The following EPB41L4A variants were observed in gnomAD, a reference collection of about 807,000 sequenced individuals.
EPB41L4A encodes band 4.1-like protein 4A.
Under a neutral mutation model 108.6 loss-of-function variants are expected in EPB41L4A, and 100 were observed. The observed-to-expected ratio is 0.92, with a 90% CI of 0.78 to 1.09. The LOEUF (loss-of-function observed/expected upper bound fraction) is 1.09. EPB41L4A is among the 50% of genes least tolerant of loss of function. The probability of loss-of-function intolerance (pLI) is 0.00; values close to 1 mark genes in which losing one functional copy is unlikely to be tolerated. For missense variants in EPB41L4A, 1,030 were observed against 842.7 expected (o/e 1.22, Z -2.75); for synonymous variants, 319 against 289.0 (o/e 1.10, Z -1.05).
At chr5:112,331,080 T>C (rs1364794545) in intron 1 of EPB41L4A, among the ~76,000 whole-genome samples, 6 of 152,202 alleles carry the variant, frequency 3.9e-5, no homozygotes, top group African/African-American at 9.6e-5. Context: ...ACAGATTCTG[T>C]GTCAAGCAAG....
At chr5:112,285,611 T>C (rs1001428424) in intron 2 of EPB41L4A, among the ~76,000 whole-genome samples, 5 of 152,132 alleles carry the variant, frequency 3.3e-5, no homozygotes, top group African/African-American at 7.2e-5. Flanking sequence ...ACTGGAGTGA[T>C]CTACAGGGAG....
At chr5:112,199,979 C>T (rs565810596) in intron 15 of EPB41L4A, among the ~76,000 whole-genome samples, 1 of 152,342 alleles carries the variant, frequency 6.6e-6, no homozygotes, top group African/African-American at 2.4e-5. Flanking sequence ...TCTGTACAAA[C>T]ACAAATGTGA....
At chr5:112,205,549 T>G in intron 13 of EPB41L4A, 45 bp from the exon 14 acceptor site, 1 of 1,428,454 alleles carries the variant, frequency 7.0e-7, no homozygotes, top group Non-Finnish European at 9.7e-7. Flanking sequence ...AAGTAGAAAA[T>G]AAAAGTAAAC....
chr5:112,294,312 T>C (rs1753854192), intron 2 of EPB41L4A, among the ~76,000 whole-genome samples: 2 of 152,150 alleles, frequency 1.3e-5, no homozygotes, highest in Admixed American at 1.3e-4. Context: ...GGAATGCTCT[T>C]GTCAAGGCCC....
intron 10 of EPB41L4A, among the ~76,000 whole-genome samples, chr5:112,240,254 G>A (rs1204055315): frequency 1.3e-5 from 2 of 152,068 alleles, no homozygotes; most frequent in Non-Finnish European, 2.9e-5. Flanking sequence ...GTTTCCACTG[G>A]TGACCTCATC....
At chr5:112,397,403 T>A (rs1761430956) in intron 1 of EPB41L4A, among the ~76,000 whole-genome samples, 1 of 152,250 alleles carries the variant, frequency 6.6e-6, no homozygotes, top group Non-Finnish European at 1.5e-5. Flanking sequence ...CTTAAAAATG[T>A]ACACAGTATC....
chr5:112,345,712 C>T (rs1006309381), intron 1 of EPB41L4A, among the ~76,000 whole-genome samples: 4 of 151,498 alleles, frequency 2.6e-5, no homozygotes, highest in Admixed American at 1.3e-4. Context: ...TATGTGTGCA[C>T]ACGCATGCAG....
intron 1 of EPB41L4A, among the ~76,000 whole-genome samples, chr5:112,390,911 G>A (rs544775068): frequency 1.3e-5 from 2 of 152,316 alleles, no homozygotes; most frequent in South Asian, 2.1e-4. Flanking sequence ...AGCCTCTGCT[G>A]GTGATACCCA....
chr5:112,157,922 G>A (rs1759706903), downstream of EPB41L4A, among the ~76,000 whole-genome samples: 1 of 152,330 alleles, frequency 6.6e-6, no homozygotes, highest in South Asian at 2.1e-4. Context: ...AGCAGGCAAG[G>A]AGGAAGCAGA....
intron 1 of EPB41L4A, among the ~76,000 whole-genome samples, chr5:112,370,357 C>G (rs116817649): frequency 6.6e-6 from 1 of 151,878 alleles, no homozygotes; most frequent in Non-Finnish European, 1.5e-5. Flanking sequence ...CTTTTAATCT[C>G]TCGATGGTAT....
chr5:112,352,869 G>A (rs1051182700), intron 1 of EPB41L4A, among the ~76,000 whole-genome samples: 2 of 152,084 alleles, frequency 1.3e-5, no homozygotes, highest in African/African-American at 2.4e-5. Flanking sequence ...CCTTTGGAGG[G>A]GTCCTGTTTC....
intron 15 of EPB41L4A, among the ~76,000 whole-genome samples, chr5:112,198,209 T>A (rs898346921): frequency 5.3e-5 from 8 of 151,940 alleles, no homozygotes; most frequent in Non-Finnish European, 1.2e-4. Flanking sequence ...TAGTTTGTAT[T>A]TTTAGTAGAG....
chr5:112,184,264 G>T, intron 17 of EPB41L4A, 129 bp from the exon 18 acceptor site: 1 of 1,033,452 alleles, frequency 9.7e-7, no homozygotes, highest in Non-Finnish European at 1.4e-6. Context: ...AGCTAAAGAT[G>T]CATATTAACT....
intron 1 of EPB41L4A, among the ~76,000 whole-genome samples, chr5:112,408,111 T>A (rs144742638): frequency 6.6e-6 from 1 of 152,342 alleles, no homozygotes; most frequent in Admixed American, 6.5e-5. Context: ...TCCTCACATT[T>A]ATTTTTAATT....
At chr5:112,354,721 CA>C (rs1758263958) in intron 1 of EPB41L4A, among the ~76,000 whole-genome samples, 1 of 152,160 alleles carries the variant, frequency 6.6e-6, no homozygotes, top group African/African-American at 2.4e-5. Context: ...CTGGATTCCA[CA>C]GTAATAGTCA....
intron 4 of EPB41L4A, among the ~76,000 whole-genome samples, chr5:112,266,849 T>C (rs1751899295): frequency 6.6e-6 from 1 of 152,244 alleles, no homozygotes; most frequent in Non-Finnish European, 1.5e-5. Flanking sequence ...ATAATAGTAA[T>C]GTCATGCACT....
At chr5:112,157,424 T>C (rs1759689225) in intron 12 of EPB41L4A, among the ~76,000 whole-genome samples, 2 of 152,224 alleles carry the variant, frequency 1.3e-5, no homozygotes. Flanking sequence ...ATAGGTTATA[T>C]TAGGTTTCTC....
intron 9 of EPB41L4A, among the ~76,000 whole-genome samples, chr5:112,254,667 G>C (rs1374398799): frequency 6.6e-6 from 1 of 151,994 alleles, no homozygotes; most frequent in Admixed American, 6.6e-5. Context: ...ATCTCCAGAG[G>C]GAATAGGCAG....
intron 1 of EPB41L4A, among the ~76,000 whole-genome samples, chr5:112,409,421 C>CA (rs145496711): frequency 0.016 from 2,373 of 152,142 alleles, 70 homozygotes; most frequent in African/African-American, 0.055. Context: ...GATGGCTGCA[C>CA]AATTCCGTAA....
Sources: allele counts gnomAD v4.1 joint callset (sites outside exome capture counted in the v4.1 genomes callset), GRCh38; gene constraint gnomAD v4.1.1; transcripts MANE v1.5; gene names NCBI Gene and HGNC (gene_info 2026-07-23, HGNC 2026-07-21).